The following RALYL variants were observed in gnomAD, a reference collection of about 807,000 sequenced individuals.
RALYL encodes RNA-binding Raly-like protein.
In RALYL, 29 loss-of-function variants were observed where a neutral mutation model predicts 35.1. The ratio of observed to expected loss-of-function variants is 0.83; its 90% CI spans 0.61 to 1.13. The LOEUF is 1.13. RALYL is among the 50% of genes most tolerant of loss of function. The pLI is 0.00. For synonymous variants in RALYL, 120 were observed against 127.6 expected (o/e 0.94, Z 0.40); for missense variants, 359 against 360.4 (o/e 1.00, Z 0.03).
intron 2 of RALYL, among the ~76,000 whole-genome samples, chr8:84,573,632 C>G (rs1808587232): frequency 6.6e-6 from 1 of 151,618 alleles, no homozygotes; most frequent in Admixed American, 6.6e-5. Flanking sequence ...ATTTTTCTCT[C>G]TTTTTGAACT....
At chr8:84,705,508 G>C (rs1480465188) in intron 2 of RALYL, among the ~76,000 whole-genome samples, 7 of 152,174 alleles carry the variant, frequency 4.6e-5, no homozygotes, top group African/African-American at 1.7e-4. Flanking sequence ...ATTGAGAATT[G>C]CTTTAATAAT....
chr8:84,197,023 A>G (rs915754464), intron 1 of RALYL, among the ~76,000 whole-genome samples: 9 of 152,244 alleles, frequency 5.9e-5, no homozygotes, highest in Non-Finnish European at 8.8e-5. Context: ...ATAGGCTTCT[A>G]TATTAGTGGT....
chr8:84,753,842 G>A (rs1413485376), intron 2 of RALYL, among the ~76,000 whole-genome samples: 2 of 152,150 alleles, frequency 1.3e-5, no homozygotes, highest in Non-Finnish European at 2.9e-5. Flanking sequence ...TTATAACAAT[G>A]TGAGAATATC....
At chr8:84,779,684 C>T (rs1586189765) in intron 3 of RALYL, among the ~76,000 whole-genome samples, 1 of 152,250 alleles carries the variant, frequency 6.6e-6, no homozygotes, top group East Asian at 1.9e-4. Context: ...TGGTGGTGGT[C>T]ACCATGAATG....
intron 2 of RALYL, among the ~76,000 whole-genome samples, chr8:84,557,803 T>A (rs1196184498): frequency 2.0e-5 from 3 of 151,516 alleles, no homozygotes; most frequent in Non-Finnish European, 4.4e-5. Flanking sequence ...AATAGGCCAG[T>A]GAAAAATTTG....
intron 2 of RALYL, among the ~76,000 whole-genome samples, chr8:84,530,978 C>T (rs2059241710): frequency 6.6e-6 from 1 of 152,118 alleles, no homozygotes; most frequent in East Asian, 1.9e-4. Flanking sequence ...TTAGAGTGTG[C>T]TGTGCTAAAA....
chr8:84,480,312 A>G (rs2053910391), intron 1 of RALYL, among the ~76,000 whole-genome samples: 1 of 152,166 alleles, frequency 6.6e-6, no homozygotes, highest in Admixed American at 6.6e-5. Flanking sequence ...ATCATCAAAA[A>G]GAAACTAAAG....
intron 1 of RALYL, among the ~76,000 whole-genome samples, chr8:84,463,608 T>A (rs2051092006): frequency 6.6e-6 from 1 of 152,100 alleles, no homozygotes; most frequent in Non-Finnish European, 1.5e-5. Context: ...TATTAGCTGG[T>A]TGTGCTCAGT....
chr8:84,186,636 T>C (rs1812597365), intron 1 of RALYL, among the ~76,000 whole-genome samples: 1 of 152,122 alleles, frequency 6.6e-6, no homozygotes, highest in Admixed American at 6.5e-5. Flanking sequence ...CCCAATGAGA[T>C]TGAAACAATT....
intron 2 of RALYL, among the ~76,000 whole-genome samples, chr8:84,639,497 T>C (rs868386609): frequency 5.3e-5 from 8 of 152,000 alleles, no homozygotes; most frequent in Admixed American, 5.3e-4. Context: ...GTCTGACTCT[T>C]TTCTTGCTGT....
intron 1 of RALYL, among the ~76,000 whole-genome samples, chr8:84,439,801 G>A (rs2048141248): frequency 6.6e-6 from 1 of 151,998 alleles, no homozygotes; most frequent in East Asian, 1.9e-4. Flanking sequence ...AGAGAAAGGT[G>A]TTTGTAAGTG....
intron 2 of RALYL, among the ~76,000 whole-genome samples, chr8:84,609,019 A>C (rs189015646): frequency 6.6e-6 from 1 of 152,234 alleles, no homozygotes; most frequent in Admixed American, 6.5e-5. Context: ...TGCAAAGAAG[A>C]AGTTGCTTCA....
chr8:84,781,169 G>A (rs1818057960), intron 3 of RALYL, among the ~76,000 whole-genome samples: 1 of 152,012 alleles, frequency 6.6e-6, no homozygotes, highest in Non-Finnish European at 1.5e-5. Flanking sequence ...AGCTTTGAAA[G>A]GTTATTTTAT....
At chr8:84,195,801 T>C (rs1265690275) in intron 1 of RALYL, among the ~76,000 whole-genome samples, 2 of 152,116 alleles carry the variant, frequency 1.3e-5, no homozygotes, top group African/African-American at 2.4e-5. Flanking sequence ...CAAAAAGATT[T>C]AGAGCAAATT....
At chr8:84,390,170 C>A (rs1217827267) in intron 1 of RALYL, among the ~76,000 whole-genome samples, 1 of 152,114 alleles carries the variant, frequency 6.6e-6, no homozygotes, top group Non-Finnish European at 1.5e-5. Context: ...ATTGAACCAG[C>A]CTTGCATCCC....
chr8:84,389,046 C>G (rs1309846115), intron 1 of RALYL, among the ~76,000 whole-genome samples: 2 of 152,120 alleles, frequency 1.3e-5, no homozygotes, highest in Non-Finnish European at 2.9e-5. Context: ...GATCCAGTTT[C>G]AGCTTTCTAT....
intron 1 of RALYL, among the ~76,000 whole-genome samples, chr8:84,436,896 A>G (rs1206672373): frequency 1.3e-5 from 2 of 151,908 alleles, no homozygotes; most frequent in Non-Finnish European, 2.9e-5. Context: ...GTTTTGTTTT[A>G]GATTTAAGAG....
chr8:84,765,072 C>T (rs1813588423), intron 2 of RALYL, among the ~76,000 whole-genome samples: 1 of 152,086 alleles, frequency 6.6e-6, no homozygotes, highest in Non-Finnish European at 1.5e-5. Flanking sequence ...AACCACAGGG[C>T]TGTGAACCCA....
intron 2 of RALYL, among the ~76,000 whole-genome samples, chr8:84,654,200 C>T (rs963407967): frequency 7.4e-6 from 1 of 135,694 alleles, no homozygotes; most frequent in South Asian, 2.5e-4. Context: ...CCACCATCAC[C>T]AACATGTACA....
Sources: gnomAD v4.1 joint callset for allele counts (sites outside exome capture counted in the v4.1 genomes callset) on GRCh38, gnomAD v4.1.1 for gene constraint, MANE v1.5 for transcripts, NCBI Gene and HGNC (gene_info 2026-07-23, HGNC 2026-07-21) for gene names.